Variants in SGMS1 observed in about 807,000 individuals in gnomAD.
SGMS1 encodes the protein sphingomyelin synthase 1.
Under a neutral mutation model 46.2 loss-of-function variants are expected in SGMS1, and 13 were observed. That is an observed-to-expected ratio of 0.28 (90% CI 0.18 to 0.45). The LOEUF (loss-of-function observed/expected upper bound fraction) is 0.45. Ranked by LOEUF, SGMS1 falls within the 20% of genes least tolerant of loss-of-function variation. The pLI is 1.00. For missense variants in SGMS1, 324 were observed against 519.9 expected, an observed-to-expected ratio of 0.62 and a Z score of 3.66; for synonymous variants, 203 against 187.8, an observed-to-expected ratio of 1.08 and a Z score of -0.66.
At chr10:50,494,036 A>G (rs866601933) in intron 3 of SGMS1, among the ~76,000 whole-genome samples, 6 of 152,186 alleles carry the variant, frequency 3.9e-5, no homozygotes, top group Admixed American at 6.5e-5. Flanking sequence ...TGGCCTCGTG[A>G]TCCACCCGCC....
At chr10:50,316,367 C>T (rs1227814490) in intron 8 of SGMS1, among the ~76,000 whole-genome samples, 2 of 152,220 alleles carry the variant, frequency 1.3e-5, no homozygotes, top group Non-Finnish European at 2.9e-5. Flanking sequence ...GTCAGCAAGG[C>T]AGACCCTATC....
intron 2 of SGMS1, among the ~76,000 whole-genome samples, chr10:50,563,894 A>T (rs1838265201): frequency 6.6e-6 from 1 of 152,154 alleles, no homozygotes; most frequent in Non-Finnish European, 1.5e-5. Context: ...GGTACTGACA[A>T]CCTACCTCCA....
At chr10:50,623,572 G>C in intron 1 of SGMS1, 135 bp downstream of exon 1, 6 of 984,978 alleles carry the variant, frequency 6.1e-6, no homozygotes, top group Non-Finnish European at 7.2e-6. Flanking sequence ...GGCACCGCGC[G>C]GGCTGCGCTC....
intron 2 of SGMS1, among the ~76,000 whole-genome samples, chr10:50,527,523 C>A (rs1837914653): frequency 1.3e-5 from 2 of 152,174 alleles, no homozygotes; most frequent in South Asian, 4.1e-4. Context: ...CAGCTCCTGG[C>A]TATCTAGTTT....
chr10:50,395,900 A>T (rs1360917223), intron 6 of SGMS1, among the ~76,000 whole-genome samples: 1 of 152,200 alleles, frequency 6.6e-6, no homozygotes, highest in Non-Finnish European at 1.5e-5. Flanking sequence ...ATTCCTTGAC[A>T]CTACATAAAA....
chr10:50,347,229 A>G (rs1279720664), intron 6 of SGMS1, among the ~76,000 whole-genome samples: 1 of 152,204 alleles, frequency 6.6e-6, no homozygotes, highest in Non-Finnish European at 1.5e-5. Flanking sequence ...AGGGCTCAGA[A>G]GATAATCAAT....
At chr10:50,438,535 T>G (rs768693208) in intron 5 of SGMS1, among the ~76,000 whole-genome samples, 5 of 152,236 alleles carry the variant, frequency 3.3e-5, no homozygotes, top group Non-Finnish European at 5.9e-5. Flanking sequence ...GATGCTTGAC[T>G]GTGGCCTTGC....
At chr10:50,351,681 G>C (rs1848016172) in intron 6 of SGMS1, among the ~76,000 whole-genome samples, 1 of 152,146 alleles carries the variant, frequency 6.6e-6, no homozygotes, top group Non-Finnish European at 1.5e-5. Flanking sequence ...CCGCCACCAT[G>C]TAAGAAGTGC....
chr10:50,375,661 T>C (rs1589413580), intron 6 of SGMS1, among the ~76,000 whole-genome samples: 1 of 152,136 alleles, frequency 6.6e-6, no homozygotes, highest in East Asian at 1.9e-4. Flanking sequence ...CCTTGTAGCT[T>C]CACAGCCTGG....
intron 2 of SGMS1, among the ~76,000 whole-genome samples, chr10:50,585,906 C>T (rs770831437): frequency 3.3e-5 from 5 of 152,162 alleles, no homozygotes; most frequent in Admixed American, 2.0e-4. Context: ...TACTACATGA[C>T]TACAGAGGTT....
chr10:50,380,871 C>G (rs1447251352), intron 6 of SGMS1, among the ~76,000 whole-genome samples: 1 of 152,098 alleles, frequency 6.6e-6, no homozygotes, highest in Non-Finnish European at 1.5e-5. Context: ...ACTATGTTGA[C>G]CAGGCTGCGG....
chr10:50,418,549 A>G (rs553548362), intron 6 of SGMS1: 1 of 152,316 alleles, frequency 6.6e-6, no homozygotes, highest in Admixed American at 6.5e-5. Flanking sequence ...TCCTTTCTTG[A>G]TTTATACCAA....
rs796973053 is a variant in SGMS1, at chr10:50,590,205, AT to A, written c.-642del. ...CCTGATCAAAAATGAATGACTAAATATGCCCACGGGCCCATTCAGGGATCGT... is the reference window on the plus strand; with the variant it reads ...CCTGATCAAAAATGAATGACTAAATAGCCCACGGGCCCATTCAGGGATCGT... On this transcript the variant is annotated 5_prime_UTR_variant, in exon 2 of 11. It introduces an in-frame stop codon into an upstream open reading frame of the 5' UTR. Transcript: ENST00000361781. The A allele has an allele frequency of 4.3e-4, 65 of 152,482 alleles. No homozygotes were observed. The highest frequency in any genetic ancestry group is 1.3e-3 in the African/African-American group (56 of 41,578). 9.4% of individuals were successfully genotyped at this position (152,482 alleles called of 1,614,324 possible).
chr10:50,437,264 G>A (rs557104936), intron 5 of SGMS1, among the ~76,000 whole-genome samples: 1 of 152,268 alleles, frequency 6.6e-6, no homozygotes, highest in Non-Finnish European at 1.5e-5. Context: ...GGCTTGGGGT[G>A]ATATCTCATG....
chr10:50,362,760 T>C (rs936666455), intron 6 of SGMS1, among the ~76,000 whole-genome samples: 5 of 152,152 alleles, frequency 3.3e-5, no homozygotes, highest in African/African-American at 1.2e-4. Context: ...GAAGAGGCTA[T>C]GAAATAAAGA....
At chr10:50,452,372 T>C (rs1424410823) in intron 5 of SGMS1, among the ~76,000 whole-genome samples, 5 of 152,194 alleles carry the variant, frequency 3.3e-5, no homozygotes, top group Non-Finnish European at 7.4e-5. Flanking sequence ...TTAATAATTT[T>C]TTGAGTTCTG....
intron 1 of SGMS1, among the ~76,000 whole-genome samples, chr10:50,619,486 T>C (rs1838827708): frequency 6.6e-6 from 1 of 152,170 alleles, no homozygotes; most frequent in Non-Finnish European, 1.5e-5. Context: ...TACATACATA[T>C]GCAAGAACAT....
intron 6 of SGMS1, among the ~76,000 whole-genome samples, chr10:50,365,202 G>A (rs147205192): frequency 0.016 from 2,299 of 142,940 alleles, 70 homozygotes; most frequent in African/African-American, 0.056. Flanking sequence ...GCAGTGAGCC[G>A]AGGTCGTGCT....
At chr10:50,563,742 CAAA>C (rs60882939) in intron 2 of SGMS1, among the ~76,000 whole-genome samples, 2 of 65,754 alleles carry the variant, frequency 3.0e-5, no homozygotes, top group Admixed American at 1.8e-4. Context: ...GACTCCGTCT[CAAA>C]AAAAAAAAAA....
Sources: allele counts gnomAD v4.1 joint callset (sites outside exome capture counted in the v4.1 genomes callset), GRCh38; gene constraint gnomAD v4.1.1; transcripts MANE v1.5; gene names NCBI Gene and HGNC (gene_info 2026-07-23, HGNC 2026-07-21).